The following SLC35F4 variants were observed in gnomAD, a reference collection of about 807,000 sequenced individuals.
The protein encoded by SLC35F4 is solute carrier family 35 member F4, also known as chromosome 14 open reading frame 36.
A neutral mutation model predicts 44.2 loss-of-function variants in SLC35F4; 24 were observed. The observed-to-expected ratio is 0.54, with a 90% CI of 0.39 to 0.76. The LOEUF is 0.76. Ranked by LOEUF, SLC35F4 falls within the 30% of genes least tolerant of loss-of-function variation. SLC35F4 has a pLI of 0.00. For synonymous variants in SLC35F4, 238 were observed against 223.6 expected, an observed-to-expected ratio of 1.06 and a Z score of -0.57; for missense variants, 562 against 586.1, an observed-to-expected ratio of 0.96 and a Z score of 0.42.
intron 1 of SLC35F4, among the ~76,000 whole-genome samples, chr14:57,754,999 G>A (rs2076963645): frequency 6.6e-6 from 1 of 152,180 alleles, no homozygotes; most frequent in African/African-American, 2.4e-5. Flanking sequence ...TTCTCAAAGG[G>A]AGCCCGGGCC....
At chr14:57,879,981 G>GGGAA (rs774753390) in intron 1 of SLC35F4, among the ~76,000 whole-genome samples, 5 of 146,274 alleles carry the variant, frequency 3.4e-5, no homozygotes, top group East Asian at 4.0e-4. Context: ...GAAGAATGGA[G>GGGAA]GGAAGGAAGG....
chr14:57,914,517 C>G (rs1889279208), intron 1 of SLC35F4, among the ~76,000 whole-genome samples: 1 of 151,816 alleles, frequency 6.6e-6, no homozygotes, highest in African/African-American at 2.4e-5. Context: ...GAGCCGAGAT[C>G]GCGCCACTGC....
chr14:57,809,077 C>T (rs543261995), intron 1 of SLC35F4, among the ~76,000 whole-genome samples: 1 of 152,132 alleles, frequency 6.6e-6, no homozygotes, highest in Non-Finnish European at 1.5e-5. Flanking sequence ...TGCACCCCCA[C>T]ACGTTTTTCC....
downstream of SLC35F4, among the ~76,000 whole-genome samples, chr14:57,972,772 A>G (rs1881091250): frequency 6.6e-6 from 1 of 152,112 alleles, no homozygotes; most frequent in Non-Finnish European, 1.5e-5. Context: ...TAGTAGCCAC[A>G]CTCATGGCAT....
chr14:57,657,453 T>C (rs1456023238), intron 1 of SLC35F4, among the ~76,000 whole-genome samples: 2 of 152,136 alleles, frequency 1.3e-5, no homozygotes, highest in East Asian at 3.9e-4. Context: ...TGGCCATTAG[T>C]AATATTTTTT....
intron 1 of SLC35F4, among the ~76,000 whole-genome samples, chr14:57,616,278 C>A (rs1266612914): frequency 6.6e-6 from 1 of 152,114 alleles, no homozygotes; most frequent in Non-Finnish European, 1.5e-5. Flanking sequence ...ATAACATATA[C>A]CATCTTAGCG....
chr14:57,904,179 A>G (rs1003808102), intron 1 of SLC35F4, among the ~76,000 whole-genome samples: 4 of 152,222 alleles, frequency 2.6e-5, no homozygotes, highest in African/African-American at 4.8e-5. Flanking sequence ...GCTCTGAATT[A>G]TTCATTTCAC....
chr14:57,727,902 G>T (rs1298018298), intron 1 of SLC35F4, among the ~76,000 whole-genome samples: 1 of 152,156 alleles, frequency 6.6e-6, no homozygotes, highest in African/African-American at 2.4e-5. Flanking sequence ...AGTTCCATTT[G>T]TTCCACAGTG....
chr14:57,910,818 T>C (rs915084522), intron 1 of SLC35F4, among the ~76,000 whole-genome samples: 1 of 151,988 alleles, frequency 6.6e-6, no homozygotes, highest in Non-Finnish European at 1.5e-5. Context: ...ATAAAATAAC[T>C]TGCTGGGATG....
chr14:57,870,314 C>G (rs1162069552), upstream of SLC35F4, among the ~76,000 whole-genome samples: 2 of 152,080 alleles, frequency 1.3e-5, no homozygotes, highest in Non-Finnish European at 2.9e-5. Flanking sequence ...CTCGGCAGTA[C>G]AGCACAGTGG....
intron 1 of SLC35F4, among the ~76,000 whole-genome samples, chr14:57,742,300 C>T (rs964901869): frequency 1.3e-5 from 2 of 152,106 alleles, no homozygotes; most frequent in Non-Finnish European, 2.9e-5. Flanking sequence ...AGAGTCAAGA[C>T]CCATCAGTGT....
At chr14:57,792,076 A>G (rs2077934206) in intron 1 of SLC35F4, among the ~76,000 whole-genome samples, 1 of 152,088 alleles carries the variant, frequency 6.6e-6, no homozygotes, top group South Asian at 2.1e-4. Context: ...ACAAACCTGC[A>G]CTTTCTGCAC....
At position 57,564,379 on chromosome 14, in the gene SLC35F4, A is replaced by G. The variant is rs1308206860; in HGVS notation, c.1217-3T>C. 3.1e-6 allele frequency: 5 copies of G among 1,599,724 alleles called. No individual in the cohort carries two copies. The highest frequency in any genetic ancestry group is 4.3e-6 in the Non-Finnish European group (5 of 1,172,438). ...CTCCTGCTTTAGGAGATCCACAGCT[A>G]GGAAAGAAAAATCAAGTCAGTCATT... On this transcript the variant is annotated splice_polypyrimidine_tract_variant and splice_region_variant and intron_variant, in intron 7 of 7. Transcript: ENST00000556826.
chr14:57,843,334 G>T (rs181486213), intron 1 of SLC35F4, among the ~76,000 whole-genome samples: 1 of 152,238 alleles, frequency 6.6e-6, no homozygotes, highest in East Asian at 1.9e-4. Context: ...GATCCTGACT[G>T]AATATTGTCA....
At chr14:57,976,111 G>A (rs7146833), downstream of SLC35F4, among the ~76,000 whole-genome samples, 54,487 of 152,018 alleles carry the variant, frequency 0.36, 10,347 homozygotes, top group African/African-American at 0.5. Context: ...TCAGTACAGA[G>A]ACTTAGAACC....
intron 1 of SLC35F4, among the ~76,000 whole-genome samples, chr14:57,950,782 C>T (rs968692191): frequency 2.7e-5 from 4 of 150,442 alleles, no homozygotes; most frequent in African/African-American, 9.8e-5. Context: ...AATTCTCCTC[C>T]CTCAGCCTCC....
intron 1 of SLC35F4, among the ~76,000 whole-genome samples, chr14:57,705,457 C>T (rs187184655): frequency 3.3e-4 from 50 of 152,308 alleles, no homozygotes; most frequent in Admixed American, 1.9e-3. Context: ...CTGCTCTACT[C>T]CGCATCCCAG....
intron 1 of SLC35F4, among the ~76,000 whole-genome samples, chr14:57,804,339 C>T (rs1881033752): frequency 6.6e-6 from 1 of 152,154 alleles, no homozygotes; most frequent in Non-Finnish European, 1.5e-5. Context: ...AAGAACAATG[C>T]TGGAGGCATC....
downstream of SLC35F4, among the ~76,000 whole-genome samples, chr14:57,976,201 TA>T (rs1036489868): frequency 7.2e-5 from 11 of 152,346 alleles, no homozygotes; most frequent in African/African-American, 2.6e-4. Flanking sequence ...ATATTCCTGC[TA>T]AACCTTCCCC....
Sources: allele counts gnomAD v4.1 joint callset (sites outside exome capture counted in the v4.1 genomes callset), GRCh38; gene constraint gnomAD v4.1.1; transcripts MANE v1.5; gene names NCBI Gene and HGNC (gene_info 2026-07-23, HGNC 2026-07-21).